KCNC2: variants seen among roughly 807,000 people sequenced by gnomAD.
The protein encoded by KCNC2 is potassium voltage-gated channel subfamily C member 2.
Under a neutral mutation model 44.5 loss-of-function variants are expected in KCNC2, and 21 were observed. The ratio of observed to expected loss-of-function variants is 0.47; its 90% CI spans 0.33 to 0.68. The LOEUF is 0.68. Among genes scored for constraint, KCNC2 ranks in the 30% least tolerant of loss-of-function variants. The pLI, the probability that KCNC2 is intolerant of heterozygous loss-of-function variation, is 0.01. For missense variants in KCNC2, 589 were observed against 826.2 expected (o/e 0.71, Z 3.52); for synonymous variants, 391 against 339.1 (o/e 1.15, Z -1.68).
chr12:75,174,927 G>A (rs535836854), intron 2 of KCNC2, among the ~76,000 whole-genome samples: 1 of 152,078 alleles, frequency 6.6e-6, no homozygotes, highest in East Asian at 1.9e-4. Flanking sequence ...CTAAGAGAAA[G>A]CAGTTAATAC....
intron 2 of KCNC2, among the ~76,000 whole-genome samples, chr12:75,150,917 A>G (rs1380195385): frequency 6.6e-6 from 1 of 151,978 alleles, no homozygotes; most frequent in Non-Finnish European, 1.5e-5. Flanking sequence ...TTAGAGATAG[A>G]TTCCATTTTC....
chr12:75,118,029 A>C (rs1887798758), intron 2 of KCNC2, among the ~76,000 whole-genome samples: 1 of 152,206 alleles, frequency 6.6e-6, no homozygotes, highest in African/African-American at 2.4e-5. Context: ...CTGTCTCAAA[A>C]CAAGACTCAT....
At chr12:75,106,727 T>C (rs1483163887) in intron 2 of KCNC2, among the ~76,000 whole-genome samples, 5 of 152,188 alleles carry the variant, frequency 3.3e-5, no homozygotes, top group Non-Finnish European at 1.5e-5. Flanking sequence ...GTAGCAAGCA[T>C]AAAGCCAGGG....
chr12:75,164,623 T>C (rs759929693), intron 2 of KCNC2, among the ~76,000 whole-genome samples: 42 of 151,654 alleles, frequency 2.8e-4, no homozygotes, highest in Admixed American at 1.4e-3. Context: ...AACAAACACA[T>C]TGAGCATCTT....
At chr12:75,102,304 G>A (rs927761149) in intron 2 of KCNC2, among the ~76,000 whole-genome samples, 2 of 151,980 alleles carry the variant, frequency 1.3e-5, no homozygotes, top group African/African-American at 4.8e-5. Flanking sequence ...GAATCATGTT[G>A]AGTAAATCTG....
At chr12:75,084,951 A>C (rs572878134) in intron 2 of KCNC2, among the ~76,000 whole-genome samples, 160 of 150,860 alleles carry the variant, frequency 1.1e-3, no homozygotes, top group African/African-American at 3.3e-3. Flanking sequence ...ATAGATTATA[A>C]TCCATCTATC....
intron 2 of KCNC2, among the ~76,000 whole-genome samples, chr12:75,061,316 T>A (rs1882298090): frequency 6.6e-6 from 1 of 151,920 alleles, no homozygotes; most frequent in South Asian, 2.1e-4. Context: ...TAAGACAAAT[T>A]AGAAAATAGA....
chr12:75,107,311 T>A (rs184848892), intron 2 of KCNC2, among the ~76,000 whole-genome samples: 2 of 128,720 alleles, frequency 1.6e-5, no homozygotes, highest in African/African-American at 3.2e-5. Flanking sequence ...CTCAAAAAAA[T>A]AAATAATAAT....
chr12:75,047,717 T>C (rs1392534874), intron 4 of KCNC2, among the ~76,000 whole-genome samples: 2 of 152,084 alleles, frequency 1.3e-5, no homozygotes, highest in Non-Finnish European at 2.9e-5. Flanking sequence ...CGTTTAATGC[T>C]TTACTTTGAG....
chr12:75,100,712 G>A (rs1466465424), intron 2 of KCNC2, among the ~76,000 whole-genome samples: 1 of 151,938 alleles, frequency 6.6e-6, no homozygotes, highest in African/African-American at 2.4e-5. Context: ...ATAGGTTAAG[G>A]AAGAGTAAAC....
chr12:75,208,393 C>T (rs1201658245), intron 1 of KCNC2, among the ~76,000 whole-genome samples: 1 of 150,972 alleles, frequency 6.6e-6, no homozygotes, highest in Admixed American at 6.6e-5. Context: ...CAAACACACT[C>T]TCTCTCCCTC....
chr12:75,064,243 C>T lies in KCNC2; in HGVS notation c.688-12926G>A, dbSNP rs559398722. Among the ~76,000 whole-genome samples the T allele has an allele frequency of 1.1e-4, 17 of 152,136 alleles. No homozygotes were observed. The South Asian group carries it at 3.1e-3, about 28-fold the overall frequency. ...ATTCTTTTATTCCCTTGCTACACTACTCTAAGTTGCTATAAAATATTATTA... is the reference window on the plus strand; with the variant it reads ...ATTCTTTTATTCCCTTGCTACACTATTCTAAGTTGCTATAAAATATTATTA... On this transcript the variant is annotated intron_variant, in intron 2 of 4. Coordinates refer to ENST00000549446, the MANE Select transcript of KCNC2 (RefSeq NM_139137.4).
At chr12:75,164,790 C>CA (rs1290496706) in intron 2 of KCNC2, among the ~76,000 whole-genome samples, 1 of 151,482 alleles carries the variant, frequency 6.6e-6, no homozygotes, top group Non-Finnish European at 1.5e-5. Context: ...ATTCATAAAT[C>CA]AAAAATCGTT....
intron 2 of KCNC2, among the ~76,000 whole-genome samples, chr12:75,124,573 G>T (rs1402805554): frequency 6.6e-6 from 1 of 152,062 alleles, no homozygotes; most frequent in Non-Finnish European, 1.5e-5. Flanking sequence ...TGAAGATAAA[G>T]ATGTTTTATA....
chr12:75,138,226 T>A (rs1053220263), intron 2 of KCNC2, among the ~76,000 whole-genome samples: 1 of 152,186 alleles, frequency 6.6e-6, no homozygotes, highest in Non-Finnish European at 1.5e-5. Context: ...GGGAAAAAAA[T>A]CCACTGTAAA....
At chr12:75,191,541 TTTTTTTTTTTTTTTTTTTTG>T (rs1565681627) in intron 2 of KCNC2, among the ~76,000 whole-genome samples, 5 of 43,158 alleles carry the variant, frequency 1.2e-4, no homozygotes, top group African/African-American at 4.6e-4. Flanking sequence ...TTTTTTTTTT[TTTTTTTTTTTTTTTTTTTTG>T]GAGACGGAGT....
intron 2 of KCNC2, among the ~76,000 whole-genome samples, chr12:75,060,726 C>T (rs1424726037): frequency 6.6e-6 from 1 of 152,124 alleles, no homozygotes. Context: ...CTTCCTCAGC[C>T]TCCCAAACTG....
chr12:75,138,852 A>G (rs932920933), intron 2 of KCNC2, among the ~76,000 whole-genome samples: 4 of 151,738 alleles, frequency 2.6e-5, no homozygotes, highest in Admixed American at 2.6e-4. Flanking sequence ...GTGGTGGCGG[A>G]CGCCTGTAGT....
chr12:75,190,700 C>T (rs929944145), intron 2 of KCNC2, among the ~76,000 whole-genome samples: 6 of 151,968 alleles, frequency 3.9e-5, no homozygotes, highest in African/African-American at 1.2e-4. Context: ...TTCTTAGTTC[C>T]ATAAAGAAAT....
Sources: gnomAD v4.1 joint callset for allele counts (sites outside exome capture counted in the v4.1 genomes callset) on GRCh38, gnomAD v4.1.1 for gene constraint, MANE v1.5 for transcripts, NCBI Gene and HGNC (gene_info 2026-07-23, HGNC 2026-07-21) for gene names.